The following PRKCH variants were observed in gnomAD, a reference collection of about 807,000 sequenced individuals.
PRKCH encodes the protein protein kinase C eta type.
PRKCH carries 28 observed loss-of-function variants against 82.5 expected under a neutral mutation model. The ratio of observed to expected loss-of-function variants is 0.34; its 90% CI spans 0.25 to 0.47. The LOEUF (loss-of-function observed/expected upper bound fraction) is 0.47. Ranked by LOEUF, PRKCH falls within the 20% of genes least tolerant of loss-of-function variation. The pLI is 1.00. For synonymous variants in PRKCH, 322 were observed against 327.4 expected (o/e 0.98, Z 0.18); for missense variants, 705 against 881.8 (o/e 0.80, Z 2.54).
intron 1 of PRKCH, among the ~76,000 whole-genome samples, chr14:61,345,483 G>T (rs907044630): frequency 6.6e-6 from 1 of 152,196 alleles, no homozygotes; most frequent in Non-Finnish European, 1.5e-5. Context: ...GGCTGAAATA[G>T]CTGTGAACTG....
chr14:61,280,867 C>T lies in PRKCH; in HGVS notation c.-19+93199C>T. 1 of 1,567,638 alleles carries T rather than the reference C, an allele frequency of 6.4e-7. No homozygotes were observed. Among genetic ancestry groups the T allele is most frequent in the South Asian group, 1.2e-5 (1 of 85,784 alleles). On this transcript the variant is annotated intron_variant, in intron 1 of 3. Transcript: ENST00000555185. The surrounding 1 kb of genome is among the most constrained non-coding windows in gnomAD (Gnocchi z 5.0). ...CTCGGGCAGCGAGAAGTACCAGGCG[C>T]ACGAGCAGGGGGGCGGCAGCGCCCG...
At position 61,530,650 on chromosome 14, in the gene PRKCH, T is replaced by C. The variant is rs1006842797; in HGVS notation, c.1761+55T>C. 7.3e-6 allele frequency: 11 copies of C among 1,514,770 alleles called. No homozygotes were observed. In the African/African-American group the frequency reaches 1.1e-4, roughly 15 times the overall value. 93.8% of individuals were successfully genotyped at this position (1,514,770 alleles called of 1,614,324 possible). A position where few individuals can be genotyped will look rare whatever the true frequency, so the allele number is the denominator to read the frequency against. ...ATGTATTGCAAACCAGCTTGTTTCATGTGCTGCTTGAGTCTTTTCAGTACT... is the reference window on the plus strand; with the variant it reads ...ATGTATTGCAAACCAGCTTGTTTCACGTGCTGCTTGAGTCTTTTCAGTACT... On this transcript the variant is annotated intron_variant, in intron 12 of 13. Transcript: ENST00000332981.
intron 1 of PRKCH, chr14:61,278,525 G>T (rs1021359373): frequency 1.3e-5 from 2 of 152,162 alleles, no homozygotes. Flanking sequence ...TTACTTAACT[G>T]CTAAAAAGTA....
At chr14:61,352,658 A>G (rs532948755) in intron 1 of PRKCH, among the ~76,000 whole-genome samples, 6,496 of 138,364 alleles carry the variant, frequency 0.047, 232 homozygotes, top group Non-Finnish European at 0.066. Context: ...GAAAGAAAGA[A>G]AGAGAGAGAG....
chr14:61,400,364 T>A (rs528485285), intron 2 of PRKCH, among the ~76,000 whole-genome samples: 8 of 152,368 alleles, frequency 5.3e-5, no homozygotes, highest in African/African-American at 1.7e-4. Context: ...TTAATTTTTT[T>A]AAAATGTAGC....
chr14:61,281,002 AGGCCGATGAAGGCCAGGCCCGC>A, intron 1 of PRKCH: 1 of 1,539,726 alleles, frequency 6.5e-7, no homozygotes, highest in Non-Finnish European at 8.7e-7. Context: ...GCCCAGGCCC[AGGCCGATGAAGGCCAGGCCCGC>A]GCAGAAGAAG....
chr14:61,426,084 A>G (rs187222941), intron 2 of PRKCH, among the ~76,000 whole-genome samples: 178 of 152,290 alleles, frequency 1.2e-3, no homozygotes, highest in Admixed American at 2.2e-3. Flanking sequence ...ACCCAGTCTC[A>G]GGTATGTCTT....
chr14:61,290,203 A>G (rs1003231763), intron 1 of PRKCH, among the ~76,000 whole-genome samples: 1 of 151,852 alleles, frequency 6.6e-6, no homozygotes, highest in African/African-American at 2.4e-5. Flanking sequence ...GAGGCAGGAG[A>G]ATTGCTTGAA....
At chr14:61,347,886 G>C (rs1196567556) in intron 1 of PRKCH, 1 of 152,832 alleles carries the variant, frequency 6.5e-6, no homozygotes, top group Non-Finnish European at 1.5e-5. Flanking sequence ...TCAGGGAACG[G>C]AATTAAATAG....
intron 1 of PRKCH, among the ~76,000 whole-genome samples, chr14:61,216,792 C>A (rs2044619283): frequency 1.3e-5 from 2 of 152,008 alleles, no homozygotes; most frequent in Non-Finnish European, 1.5e-5. Context: ...GCCTGGTGTA[C>A]AAAAGTAAGG....
intron 1 of PRKCH, among the ~76,000 whole-genome samples, chr14:61,267,838 C>A (rs552679850): frequency 6.6e-6 from 1 of 152,090 alleles, no homozygotes; most frequent in East Asian, 1.9e-4. Context: ...CGTTATGTAC[C>A]ACTAAGAAAA....
chr14:61,191,690 G>A (rs2140032646), intron 1 of PRKCH, among the ~76,000 whole-genome samples: 1 of 152,016 alleles, frequency 6.6e-6, no homozygotes, highest in East Asian at 1.9e-4. Context: ...CATATACTAA[G>A]CAATTGGGTC....
chr14:61,535,942 A>G (rs1235924596), intron 12 of PRKCH, among the ~76,000 whole-genome samples: 1 of 152,260 alleles, frequency 6.6e-6, no homozygotes, highest in African/African-American at 2.4e-5. Context: ...AAAAGTTGTT[A>G]AAACCACCAT....
chr14:61,307,385 A>T (rs2045491926), intron 1 of PRKCH: 1 of 152,264 alleles, frequency 6.6e-6, no homozygotes, highest in Non-Finnish European at 1.5e-5. Context: ...AGCATAATTT[A>T]TATGTTTTAC....
At chr14:61,210,480 C>T (rs565521650) in intron 1 of PRKCH, among the ~76,000 whole-genome samples, 2 of 152,136 alleles carry the variant, frequency 1.3e-5, no homozygotes, top group South Asian at 2.1e-4. Flanking sequence ...TACCTGGGGC[C>T]CTGGTGTAAA....
intron 1 of PRKCH, chr14:61,281,641 T>C (rs1240715062): frequency 6.0e-6 from 1 of 167,222 alleles, no homozygotes; most frequent in Non-Finnish European, 1.5e-5. Context: ...CGCTCCGGCC[T>C]CCAGCAGAAA....
intron 2 of PRKCH, among the ~76,000 whole-genome samples, chr14:61,428,250 C>T (rs1883228037): frequency 6.6e-6 from 1 of 152,046 alleles, no homozygotes; most frequent in Non-Finnish European, 1.5e-5. Flanking sequence ...CTACCTGCCT[C>T]ACCCTCCGAA....
chr14:61,447,843 G>A (rs1331441543), intron 4 of PRKCH, among the ~76,000 whole-genome samples: 1 of 152,150 alleles, frequency 6.6e-6, no homozygotes, highest in Non-Finnish European at 1.5e-5. Context: ...TAGGAAAGTA[G>A]AAAGATCTAA....
chr14:61,467,627 A>G (rs997541541), intron 9 of PRKCH, among the ~76,000 whole-genome samples: 3 of 152,178 alleles, frequency 2.0e-5, no homozygotes, highest in Non-Finnish European at 2.9e-5. Context: ...AGGCTGGGAG[A>G]CTTTCCCCTT....
Sources: gnomAD v4.1 joint callset for allele counts (sites outside exome capture counted in the v4.1 genomes callset) on GRCh38, gnomAD v4.1.1 for gene constraint, Gnocchi (gnomAD v3.1) non-coding constraint, MANE v1.5 for transcripts, NCBI Gene and HGNC (gene_info 2026-07-23, HGNC 2026-07-21) for gene names.